COLGALT2: variants seen among roughly 807,000 people sequenced by gnomAD.
COLGALT2 encodes procollagen galactosyltransferase 2.
A neutral mutation model predicts 73.4 loss-of-function variants in COLGALT2; 49 were observed. The observed-to-expected ratio is 0.67, with a 90% CI of 0.53 to 0.85. COLGALT2 has a LOEUF of 0.85. COLGALT2 is among the 40% of genes least tolerant of loss of function. The pLI, the probability that COLGALT2 is intolerant of heterozygous loss-of-function variation, is 0.00. For missense variants in COLGALT2, 722 were observed against 790.2 expected (o/e 0.91, Z 1.03); for synonymous variants, 295 against 307.6 (o/e 0.96, Z 0.43).
At chr1:183,942,893 G>A (rs1224134300) in intron 10 of COLGALT2, among the ~76,000 whole-genome samples, 1 of 152,230 alleles carries the variant, frequency 6.6e-6, no homozygotes, top group Non-Finnish European at 1.5e-5. Flanking sequence ...ACGTATGCCA[G>A]CTCTAAACCT....
intron 1 of COLGALT2, among the ~76,000 whole-genome samples, chr1:184,006,330 A>G (rs1265557791): frequency 6.6e-6 from 1 of 152,192 alleles, no homozygotes; most frequent in Non-Finnish European, 1.5e-5. Context: ...CAGGCCTGTA[A>G]TCCCAGCTCT....
chr1:183,960,232 G>A (rs1243242151), intron 6 of COLGALT2, among the ~76,000 whole-genome samples: 2 of 152,122 alleles, frequency 1.3e-5, no homozygotes, highest in South Asian at 2.1e-4. Context: ...CCACCCTCTC[G>A]AACTTTATTT....
chr1:184,018,331 C>T (rs1649071526), intron 1 of COLGALT2, among the ~76,000 whole-genome samples: 1 of 152,066 alleles, frequency 6.6e-6, no homozygotes. Context: ...ACCACCTCTT[C>T]CCATCTCACT....
At chr1:184,033,244 T>C (rs1022544570) in intron 1 of COLGALT2, among the ~76,000 whole-genome samples, 4 of 152,226 alleles carry the variant, frequency 2.6e-5, no homozygotes, top group Admixed American at 2.6e-4. Context: ...CCACTCTCCC[T>C]AATCATAGGT....
At chr1:183,980,202 GCAA>G (rs1421866390) in intron 1 of COLGALT2, among the ~76,000 whole-genome samples, 1 of 151,716 alleles carries the variant, frequency 6.6e-6, no homozygotes, top group Admixed American at 6.6e-5. Context: ...TAGGAAAAAA[GCAA>G]CAAAGCAAAC....
chr1:183,948,105 A>G (rs1438107099), intron 8 of COLGALT2, among the ~76,000 whole-genome samples: 1 of 152,124 alleles, frequency 6.6e-6, no homozygotes, highest in Non-Finnish European at 1.5e-5. Flanking sequence ...AAAAATTTCC[A>G]TAAAGAAAAG....
downstream of COLGALT2, among the ~76,000 whole-genome samples, chr1:183,932,664 C>A (rs1025583221): frequency 6.6e-6 from 1 of 152,112 alleles, no homozygotes; most frequent in African/African-American, 2.4e-5. Flanking sequence ...CTCACAGAGA[C>A]GGGGATGTGG....
chr1:183,938,057 C>A lies in COLGALT2; in HGVS notation c.*704G>T. 1 of 985,434 alleles carries A rather than the reference C, an allele frequency of 1.0e-6. No individual in the cohort carries two copies. Among genetic ancestry groups the A allele is most frequent in the Non-Finnish European group, 1.2e-6 (1 of 829,958 alleles). The allele number at this position is 985,434 out of a possible 1,614,324, so 61.0% of individuals were successfully genotyped here. A position where few individuals can be genotyped will look rare whatever the true frequency, so the allele number is the denominator to read the frequency against. ...GAGTTTTTTCCCTCAAATACCTACA[C>A]AAACTGTCAAATATCTACTAAATTA... is the stretch of plus-strand genomic sequence containing the variant. On this transcript the variant is annotated 3_prime_UTR_variant, in exon 12 of 12. Transcript: ENST00000361927.
chr1:183,981,993 AC>A (rs534819525), intron 1 of COLGALT2, among the ~76,000 whole-genome samples: 49 of 151,854 alleles, frequency 3.2e-4, no homozygotes, highest in Admixed American at 1.1e-3. Context: ...TAAAATAGAT[AC>A]TTAAATTAAA....
At chr1:183,959,186 G>C (rs541478779) in intron 6 of COLGALT2, among the ~76,000 whole-genome samples, 1 of 152,182 alleles carries the variant, frequency 6.6e-6, no homozygotes, top group East Asian at 1.9e-4. Flanking sequence ...TGGCTGTTTT[G>C]TCTTCCCCAG....
intron 1 of COLGALT2, among the ~76,000 whole-genome samples, chr1:184,010,977 A>G (rs1672219189): frequency 6.6e-6 from 1 of 151,990 alleles, no homozygotes; most frequent in African/African-American, 2.4e-5. Context: ...GTGGGGAGGA[A>G]GGCCTGTTTT....
chr1:184,004,314 G>GA (rs763134715), intron 1 of COLGALT2, among the ~76,000 whole-genome samples: 2 of 151,606 alleles, frequency 1.3e-5, no homozygotes, highest in Non-Finnish European at 2.9e-5. Context: ...GTAATAATAG[G>GA]AAAAAAACCC....
intron 1 of COLGALT2, among the ~76,000 whole-genome samples, chr1:184,011,330 C>A (rs368728294): frequency 1.1e-4 from 17 of 152,274 alleles, no homozygotes; most frequent in African/African-American, 4.1e-4. Context: ...CATTTCAGGG[C>A]CATTCTCCAA....
intron 3 of COLGALT2, 114 bp downstream of exon 3, chr1:183,974,983 G>A (rs1417673256): frequency 5.8e-6 from 4 of 695,096 alleles, no homozygotes; most frequent in Non-Finnish European, 9.8e-6. Context: ...AGTGGGGGAG[G>A]CACTGCCTAA....
intron 6 of COLGALT2, among the ~76,000 whole-genome samples, chr1:183,963,681 G>A (rs12127826): frequency 0.074 from 11,294 of 152,196 alleles, 541 homozygotes; most frequent in African/African-American, 0.13. Flanking sequence ...TGTACCCAGC[G>A]CTCTTCCAGG....
At chr1:183,972,723 G>T (rs1190021850) in intron 4 of COLGALT2, among the ~76,000 whole-genome samples, 6 of 150,722 alleles carry the variant, frequency 4.0e-5, no homozygotes, top group Non-Finnish European at 8.9e-5. Flanking sequence ...TTTTTGAGAG[G>T]GAGTCTCGCT....
chr1:183,964,697 A>G (rs1034581416), intron 5 of COLGALT2, among the ~76,000 whole-genome samples: 4 of 152,180 alleles, frequency 2.6e-5, no homozygotes, highest in Admixed American at 2.6e-4. Flanking sequence ...CCCTTCTCAT[A>G]TTCAAATTGT....
intron 1 of COLGALT2, among the ~76,000 whole-genome samples, chr1:184,019,039 A>C (rs530082262): frequency 6.6e-6 from 1 of 152,304 alleles, no homozygotes; most frequent in African/African-American, 2.4e-5. Context: ...GACCTTTCTC[A>C]TGGTCCCTAA....
chr1:183,936,426 C>T lies in COLGALT2; in HGVS notation c.*2335G>A. The T allele has an allele frequency of 2.0e-6, 2 of 976,942 alleles. No homozygotes were observed. The highest frequency in any genetic ancestry group is 4.7e-5 in the South Asian group (1 of 21,102). 60.5% of individuals were successfully genotyped at this position (976,942 alleles called of 1,614,324 possible). A position where few individuals can be genotyped will look rare whatever the true frequency, so the allele number is the denominator to read the frequency against. On this transcript the variant is annotated 3_prime_UTR_variant, in exon 12 of 12. Coordinates refer to ENST00000361927, the MANE Select transcript of COLGALT2 (RefSeq NM_015101.4). ...GCTAAAGGAGACAGAACTTTCTTCACAGTAGAACAGTCCTAGTCTAAAATG... is the reference window on the plus strand; with the variant it reads ...GCTAAAGGAGACAGAACTTTCTTCATAGTAGAACAGTCCTAGTCTAAAATG...
Sources: allele counts gnomAD v4.1 joint callset (sites outside exome capture counted in the v4.1 genomes callset), GRCh38; gene constraint gnomAD v4.1.1; transcripts MANE v1.5; gene names NCBI Gene and HGNC (gene_info 2026-07-23, HGNC 2026-07-21).